Variants in DGKG observed in about 807,000 individuals in gnomAD.
DGKG encodes the protein DAG kinase gamma.
A neutral mutation model predicts 105.3 loss-of-function variants in DGKG; 78 were observed. That is an observed-to-expected ratio of 0.74 (90% confidence interval 0.62 to 0.89). The LOEUF (loss-of-function observed/expected upper bound fraction) is 0.89. Ranked by LOEUF, DGKG falls within the 40% of genes least tolerant of loss-of-function variation. The probability of loss-of-function intolerance (pLI) is 0.00; values close to 1 mark genes in which losing one functional copy is unlikely to be tolerated. For synonymous variants in DGKG, 346 were observed against 367.1 expected, an observed-to-expected ratio of 0.94 and a Z score of 0.66; for missense variants, 958 against 1,020.1, an observed-to-expected ratio of 0.94 and a Z score of 0.83.
intron 3 of DGKG, among the ~76,000 whole-genome samples, chr3:186,305,089 C>T (rs907606323): frequency 2.0e-5 from 3 of 152,202 alleles, no homozygotes; most frequent in African/African-American, 7.2e-5. Context: ...CTTTTCCAGG[C>T]ACTGAAGACA....
At chr3:186,240,985 C>T (rs200044182) in intron 20 of DGKG, among the ~76,000 whole-genome samples, 2 of 152,202 alleles carry the variant, frequency 1.3e-5, no homozygotes, top group African/African-American at 2.4e-5. Flanking sequence ...TGGAAGTACA[C>T]GTGTTCCTAG....
At chr3:186,288,281 T>G (rs1260884724) in intron 6 of DGKG, among the ~76,000 whole-genome samples, 2 of 152,176 alleles carry the variant, frequency 1.3e-5, no homozygotes, top group Admixed American at 1.3e-4. Flanking sequence ...GAAAAGAATA[T>G]TTCCTCATAG....
chr3:186,245,796 G>A (rs537911027), intron 19 of DGKG, among the ~76,000 whole-genome samples: 15 of 152,140 alleles, frequency 9.9e-5, no homozygotes, highest in African/African-American at 3.4e-4. Flanking sequence ...TGGACTCTGA[G>A]ATATTGGAGT....
At chr3:186,254,404 C>T (rs1475661428) in intron 17 of DGKG, among the ~76,000 whole-genome samples, 1 of 152,156 alleles carries the variant, frequency 6.6e-6, no homozygotes, top group Non-Finnish European at 1.5e-5. Flanking sequence ...GCAATGGCCC[C>T]TCTCGTTGTC....
chr3:186,188,417 T>C, intron 21 of DGKG, 38 bp from the exon 22 acceptor site: 1 of 1,606,082 alleles, frequency 6.2e-7, no homozygotes, highest in Non-Finnish European at 8.5e-7. Context: ...GTTAGTGTCC[T>C]CAGTGTGTCA....
At chr3:186,248,969 CAT>C (rs1463696133) in intron 19 of DGKG, among the ~76,000 whole-genome samples, 1 of 152,182 alleles carries the variant, frequency 6.6e-6, no homozygotes, top group Admixed American at 6.5e-5. Flanking sequence ...AGGAAAAAGA[CAT>C]ATGAGTTTTT....
intron 19 of DGKG, among the ~76,000 whole-genome samples, chr3:186,243,081 T>C (rs1720766968): frequency 2.0e-5 from 3 of 152,006 alleles, no homozygotes; most frequent in Non-Finnish European, 1.5e-5. Context: ...AATGATAACA[T>C]TTTATATAAC....
chr3:186,301,747 G>C (rs1212787109), intron 3 of DGKG, among the ~76,000 whole-genome samples: 4 of 152,226 alleles, frequency 2.6e-5, no homozygotes, highest in African/African-American at 4.8e-5. Context: ...TTGGCAAGTG[G>C]AAATTAGATG....
intron 21 of DGKG, among the ~76,000 whole-genome samples, chr3:186,196,301 C>G (rs111236425): frequency 0.01 from 1,545 of 152,126 alleles, 34 homozygotes; most frequent in African/African-American, 0.034. Flanking sequence ...CCACGCCCAG[C>G]TAATTTTTTG....
intron 21 of DGKG, among the ~76,000 whole-genome samples, chr3:186,204,604 T>C (rs1718630390): frequency 6.6e-6 from 1 of 152,138 alleles, no homozygotes; most frequent in African/African-American, 2.4e-5. Context: ...ACGTCCTTTT[T>C]TTTAAATTAA....
At chr3:186,224,548 T>C (rs1239302204) in intron 20 of DGKG, among the ~76,000 whole-genome samples, 2 of 152,210 alleles carry the variant, frequency 1.3e-5, no homozygotes, top group Non-Finnish European at 2.9e-5. Context: ...CGGTAAAATA[T>C]TGGTCTCAAG....
chr3:186,298,639 C>A (rs1235553626), intron 3 of DGKG, among the ~76,000 whole-genome samples: 2 of 152,222 alleles, frequency 1.3e-5, no homozygotes. Context: ...GGGACAAGAT[C>A]TGTGCCCTAG....
intron 21 of DGKG, among the ~76,000 whole-genome samples, chr3:186,201,583 G>A (rs1000562339): frequency 3.3e-5 from 5 of 152,166 alleles, no homozygotes; most frequent in Non-Finnish European, 2.9e-5. Flanking sequence ...ATGGGCGTGG[G>A]AGGCCTTCTC....
At chr3:186,228,036 G>T (rs919338828) in intron 20 of DGKG, among the ~76,000 whole-genome samples, 6 of 152,182 alleles carry the variant, frequency 3.9e-5, no homozygotes, top group Non-Finnish European at 5.9e-5. Context: ...AAAGAGACAT[G>T]TTAAACTAAC....
At chr3:186,195,020 G>T (rs964603499) in intron 21 of DGKG, among the ~76,000 whole-genome samples, 2 of 151,934 alleles carry the variant, frequency 1.3e-5, no homozygotes, top group Non-Finnish European at 2.9e-5. Context: ...CAGGAGAATC[G>T]CTTGAACCCG....
At chr3:186,311,627 G>A (rs1315251451) in intron 2 of DGKG, among the ~76,000 whole-genome samples, 1 of 152,144 alleles carries the variant, frequency 6.6e-6, no homozygotes, top group Non-Finnish European at 1.5e-5. Flanking sequence ...TGTTCCTAGT[G>A]TTTGAGCAAA....
intron 1 of DGKG, among the ~76,000 whole-genome samples, chr3:186,324,288 A>T (rs763626246): frequency 6.6e-6 from 1 of 152,164 alleles, no homozygotes; most frequent in South Asian, 2.1e-4. Flanking sequence ...CACCCTAGAC[A>T]TATTTTTCAT....
intron 18 of DGKG, 83 bp downstream of exon 18, chr3:186,253,010 G>A (rs1721297454): frequency 1.5e-5 from 18 of 1,212,582 alleles, no homozygotes; most frequent in East Asian, 2.3e-5. Context: ...CCATAAAAGG[G>A]TAAGTTCAGC....
At chr3:186,179,124 G>A (rs1052048467) in intron 22 of DGKG, among the ~76,000 whole-genome samples, 4 of 152,194 alleles carry the variant, frequency 2.6e-5, no homozygotes, top group Non-Finnish European at 4.4e-5. Flanking sequence ...GCAAGGCCAA[G>A]GCTCCTGGTT....
Sources: allele counts gnomAD v4.1 joint callset (sites outside exome capture counted in the v4.1 genomes callset), GRCh38; gene constraint gnomAD v4.1.1; transcripts MANE v1.5; gene names NCBI Gene and HGNC (gene_info 2026-07-23, HGNC 2026-07-21).